The following STAU2 variants were observed in gnomAD, a reference collection of about 807,000 sequenced individuals.
STAU2 encodes staufen double-stranded RNA binding protein 2.
A neutral mutation model predicts 65.9 loss-of-function variants in STAU2; 20 were observed. The observed-to-expected ratio is 0.30, with a 90% CI of 0.21 to 0.44. The LOEUF is 0.44. STAU2 is among the 20% of genes least tolerant of loss of function. STAU2 has a pLI of 1.00. For synonymous variants in STAU2, 232 were observed against 233.9 expected (o/e 0.99, Z 0.07); for missense variants, 558 against 683.9 (o/e 0.82, Z 2.05).
chr8:73,652,143 T>C lies in STAU2; in HGVS notation c.410+20964A>G, dbSNP rs543523771. ...AAAAGTAAAGGTTGTAGGCTTTGTG[T>C]GTAAAAAAGAAAACCATGAAGGATT... On this transcript the variant is annotated intron_variant, in intron 6 of 14. Coordinates refer to ENST00000524300, the MANE Select transcript of STAU2 (RefSeq NM_001164380.2). 5.9e-5 allele frequency: 9 copies of C among 152,040 alleles called. No individual in the cohort carries two copies. In the East Asian group the frequency reaches 1.7e-3, roughly 29 times the overall value. The allele number at this position is 152,040 out of a possible 1,614,324, so 9.4% of individuals were successfully genotyped here. A position where few individuals can be genotyped will look rare whatever the true frequency, so the allele number is the denominator to read the frequency against.
intron 13 of STAU2, among the ~76,000 whole-genome samples, chr8:73,510,914 C>G (rs1179419253): frequency 6.6e-6 from 1 of 152,214 alleles, no homozygotes; most frequent in Non-Finnish European, 1.5e-5. Flanking sequence ...AGAAGCTCTT[C>G]AAATCTATTT....
At chr8:73,513,163 G>A (rs1342957896) in intron 13 of STAU2, among the ~76,000 whole-genome samples, 1 of 151,760 alleles carries the variant, frequency 6.6e-6, no homozygotes, top group Non-Finnish European at 1.5e-5. Context: ...TCTTCCCTCG[G>A]GATTGTTGTT....
intron 13 of STAU2, among the ~76,000 whole-genome samples, chr8:73,525,160 G>A (rs1437384623): frequency 3.9e-5 from 6 of 152,148 alleles, no homozygotes; most frequent in Non-Finnish European, 5.9e-5. Context: ...CTACCAATGT[G>A]ACCATCATCA....
intron 13 of STAU2, among the ~76,000 whole-genome samples, chr8:73,428,293 A>G (rs1816979951): frequency 6.6e-6 from 1 of 152,226 alleles, no homozygotes; most frequent in African/African-American, 2.4e-5. Flanking sequence ...TGCAAATGAC[A>G]TAATTTCTTC....
At chr8:73,496,222 C>A (rs536148982) in intron 13 of STAU2, among the ~76,000 whole-genome samples, 1 of 151,242 alleles carries the variant, frequency 6.6e-6, no homozygotes, top group African/African-American at 2.4e-5. Flanking sequence ...CAAAAATACA[C>A]AAATTTGCTA....
chr8:73,724,628 A>C (rs1805491894), intron 3 of STAU2, among the ~76,000 whole-genome samples: 1 of 151,124 alleles, frequency 6.6e-6, no homozygotes, highest in Non-Finnish European at 1.5e-5. Context: ...AAGGTAGGCT[A>C]GGCTAAGCTA....
rs1451547420 is a variant in STAU2, at chr8:73,628,595, A to G, written c.411-11144T>C. On this transcript the variant is annotated intron_variant, in intron 6 of 14. Transcript: ENST00000524300. Reference sequence around the variant, plus strand: ...GTAGAAAATCTCTCAAGTCCTTCCCACCAACAAAAGGATTCACGAAACGAG... The same window carrying G: ...GTAGAAAATCTCTCAAGTCCTTCCCGCCAACAAAAGGATTCACGAAACGAG... 2.0e-5 allele frequency among the ~76,000 whole-genome samples: 3 copies of G among 152,180 alleles called. No individual in the cohort carries two copies. In the South Asian group the frequency reaches 6.2e-4, roughly 32 times the overall value.
Position 73,537,173 on chromosome 8 carries a change from A to C in STAU2, c.1530+14839T>G, listed in dbSNP as rs1806234746. On this transcript the variant is annotated intron_variant, in intron 13 of 14. Transcript: ENST00000524300. ...CTGAACTTGAAGATAGAAAAATATA[A>C]GCTCCCCAATCTGAAAAACAGAGAA... is the stretch of plus-strand genomic sequence containing the variant. Among the ~76,000 whole-genome samples the C allele has an allele frequency of 2.0e-5, 3 of 152,288 alleles. No individual in the cohort carries two copies. In the South Asian group the frequency reaches 6.2e-4, roughly 32 times the overall value.
At chr8:73,676,334 T>G (rs1221958888) in intron 5 of STAU2, among the ~76,000 whole-genome samples, 2 of 152,228 alleles carry the variant, frequency 1.3e-5, no homozygotes, top group Non-Finnish European at 2.9e-5. Context: ...TAAATGGTGC[T>G]GGATTAAATG....
chr8:73,499,393 A>G lies in STAU2; in HGVS notation c.1530+52619T>C, dbSNP rs148902045. On this transcript the variant is annotated intron_variant, in intron 13 of 14. Coordinates refer to ENST00000524300, the MANE Select transcript of STAU2 (RefSeq NM_001164380.2). Reference sequence around the variant, plus strand: ...CAAATGGACCCAAGATACCAAGGATAAAGCCTTGAGCACAACAGCATTTAA... The same window carrying G: ...CAAATGGACCCAAGATACCAAGGATGAAGCCTTGAGCACAACAGCATTTAA... Among the ~76,000 whole-genome samples, 842 of 151,994 alleles carry G rather than the reference A, an allele frequency of 5.5e-3. 2 individuals carry two copies. The highest frequency in any genetic ancestry group is 8.7e-3 in the Non-Finnish European group (592 of 67,868).
chr8:73,564,925 C>T (rs113331191), intron 12 of STAU2, among the ~76,000 whole-genome samples: 59 of 152,054 alleles, frequency 3.9e-4, no homozygotes, highest in Middle Eastern at 3.4e-3. Context: ...TGTGTGTGTG[C>T]GCACACGCGT....
At chr8:73,741,004 C>T (rs575218029) in intron 1 of STAU2, among the ~76,000 whole-genome samples, 74 of 124,232 alleles carry the variant, frequency 6.0e-4, no homozygotes, top group African/African-American at 2.1e-3. Flanking sequence ...GACTTCATCT[C>T]AGAAAAAAAA....
chr8:73,661,569 ACC>A (rs778593135), intron 6 of STAU2, among the ~76,000 whole-genome samples: 1 of 152,146 alleles, frequency 6.6e-6, no homozygotes, highest in Non-Finnish European at 1.5e-5. Flanking sequence ...CATTTCTATC[ACC>A]CCCAAAACTT....
At chr8:73,690,169 A>G (rs910994093) in intron 4 of STAU2, among the ~76,000 whole-genome samples, 1 of 151,940 alleles carries the variant, frequency 6.6e-6, no homozygotes, top group Non-Finnish European at 1.5e-5. Flanking sequence ...CCTACTAAAA[A>G]TACAAAAAAT....
intron 12 of STAU2, among the ~76,000 whole-genome samples, chr8:73,581,938 G>A (rs1157601371): frequency 6.6e-6 from 1 of 152,088 alleles, no homozygotes; most frequent in Non-Finnish European, 1.5e-5. Flanking sequence ...CTTTTTCAGT[G>A]CCCAGAGGTT....
At chr8:73,525,377 C>T (rs4385460) in intron 13 of STAU2, among the ~76,000 whole-genome samples, 133,919 of 152,198 alleles carry the variant, frequency 0.88, 59,144 homozygotes, top group East Asian at 0.92. Flanking sequence ...TTATTGTAGA[C>T]TTATTACAAA....
chr8:73,440,436 C>T (rs1473497700), intron 13 of STAU2: 5 of 152,268 alleles, frequency 3.3e-5, no homozygotes, highest in Non-Finnish European at 5.9e-5. Flanking sequence ...ATGGTGTCCC[C>T]GTTCCACCAG....
At chr8:73,667,354 C>T (rs759534750) in intron 6 of STAU2, among the ~76,000 whole-genome samples, 32 of 152,160 alleles carry the variant, frequency 2.1e-4, no homozygotes, top group South Asian at 2.1e-4. Context: ...ATCCAAACCT[C>T]GTGGCATGGA....
intron 12 of STAU2, among the ~76,000 whole-genome samples, chr8:73,555,375 G>T (rs1807662493): frequency 6.6e-6 from 1 of 152,140 alleles, no homozygotes; most frequent in African/African-American, 2.4e-5. Flanking sequence ...GCACGCAGGG[G>T]CCAAGGTCCA....
Sources: gnomAD v4.1 joint callset for allele counts (sites outside exome capture counted in the v4.1 genomes callset) on GRCh38, gnomAD v4.1.1 for gene constraint, MANE v1.5 for transcripts, NCBI Gene and HGNC (gene_info 2026-07-23, HGNC 2026-07-21) for gene names.